Variants in TMEM266 observed in about 807,000 individuals in gnomAD.
TMEM266 encodes the protein Hv1 related protein 1.
TMEM266 carries 33 observed loss-of-function variants against 50.5 expected under a neutral mutation model. The ratio of observed to expected loss-of-function variants is 0.65; its 90% confidence interval spans 0.50 to 0.87. TMEM266 has a LOEUF of 0.87. Ranked by LOEUF, TMEM266 falls within the 40% of genes least tolerant of loss-of-function variation. The pLI, the probability that TMEM266 is intolerant of heterozygous loss-of-function variation, is 0.00. For missense variants in TMEM266, 655 were observed against 695.1 expected (o/e 0.94, Z 0.65); for synonymous variants, 310 against 292.3 (o/e 1.06, Z -0.62).
intron 1 of TMEM266, among the ~76,000 whole-genome samples, chr15:76,124,985 A>C (rs1369985168): frequency 6.6e-6 from 1 of 152,238 alleles, no homozygotes; most frequent in African/African-American, 2.4e-5. Flanking sequence ...TGGTCCTGGC[A>C]TAAAAACAGG....
chr15:76,174,094 C>T (rs1300285751), intron 7 of TMEM266, among the ~76,000 whole-genome samples: 2 of 152,182 alleles, frequency 1.3e-5, no homozygotes, highest in African/African-American at 2.4e-5. Context: ...AAAGCCACCT[C>T]ATGGTCCAAG....
intron 7 of TMEM266, 118 bp from the exon 8 acceptor site, chr15:76,175,441 G>A: frequency 1.4e-6 from 1 of 706,774 alleles, no homozygotes; most frequent in East Asian, 2.7e-5. Context: ...TCCCCTTCTA[G>A]ATCCACAGAA....
intron 8 of TMEM266, among the ~76,000 whole-genome samples, chr15:76,188,809 T>C (rs1230790409): frequency 6.6e-6 from 1 of 152,130 alleles, no homozygotes; most frequent in Non-Finnish European, 1.5e-5. Context: ...ATCACAAATA[T>C]TTATCTGATT....
intron 8 of TMEM266, among the ~76,000 whole-genome samples, chr15:76,176,980 T>C (rs2038293375): frequency 6.6e-6 from 1 of 152,218 alleles, no homozygotes; most frequent in African/African-American, 2.4e-5. Flanking sequence ...CCATGCCACC[T>C]CTTGGGTTTT....
chr15:76,200,631 G>A (rs1234576110), intron 9 of TMEM266, among the ~76,000 whole-genome samples: 4 of 152,162 alleles, frequency 2.6e-5, no homozygotes, highest in Non-Finnish European at 5.9e-5. Context: ...ATAAAACCAA[G>A]ATTGACCAGA....
At chr15:76,176,612 C>G (rs2038286622) in intron 8 of TMEM266, 1 of 152,300 alleles carries the variant, frequency 6.6e-6, no homozygotes, top group Admixed American at 6.5e-5. Flanking sequence ...CTGCGCAAGC[C>G]AGAGACGCTA....
chr15:76,084,597 G>GT (rs1555445501), intron 1 of TMEM266, among the ~76,000 whole-genome samples: 55 of 133,334 alleles, frequency 4.1e-4, no homozygotes, highest in Non-Finnish European at 2.4e-4. Context: ...GGTTTTTTTT[G>GT]GTTTTTTTTT....
rs148712914 is a variant in TMEM266 at position 76,150,454 on chromosome 15, G to A, written c.228-6150G>A. ...CTAGTTTGGCTGCCTTCAGGGAGAT[G>A]GGCTGATGCCGTGACTCTCCACTGC... On this transcript the variant is annotated intron_variant, in intron 3 of 10. Coordinates refer to ENST00000388942, the MANE Select transcript of TMEM266 (RefSeq NM_152335.3). Among the ~76,000 whole-genome samples the A allele has an allele frequency of 5.5e-3, 845 of 152,308 alleles. 6 individuals are homozygous for A. The highest frequency in any genetic ancestry group is 0.037 in the Middle Eastern group (11 of 294).
intron 1 of TMEM266, among the ~76,000 whole-genome samples, chr15:76,064,699 A>G (rs1449812576): frequency 6.6e-6 from 1 of 152,236 alleles, no homozygotes; most frequent in Non-Finnish European, 1.5e-5. Context: ...ACTACTTAGT[A>G]GCTAGGACAG....
intron 1 of TMEM266, among the ~76,000 whole-genome samples, chr15:76,111,779 T>G (rs1481296097): frequency 6.6e-6 from 1 of 152,232 alleles, no homozygotes; most frequent in Non-Finnish European, 1.5e-5. Flanking sequence ...CTCCTTGGTA[T>G]TTACCCAAAT....
chr15:76,194,897 GA>G (rs2038632306), intron 9 of TMEM266, among the ~76,000 whole-genome samples: 1 of 152,132 alleles, frequency 6.6e-6, no homozygotes, highest in Admixed American at 6.5e-5. Context: ...TTCAACATGT[GA>G]ATGAAGAGGG....
In TMEM266 at chr15:76,203,789, T is replaced by C. The variant is rs201833387; in HGVS notation, c.1070T>C (p.Ile357Thr). 1.2e-5 allele frequency: 19 copies of C among 1,614,170 alleles called. No homozygotes were observed. The African/African-American group carries it at 1.5e-4, about 12-fold the overall frequency. ...GTGTGTATGGTCACCACGGCCGCAA[T>C]AGACATTCACCAGCCCAACATCTCC... The change falls in exon 11 of 11, where the codon ATA becomes ACA. Residue 357 changes from isoleucine (I) to threonine (T), a missense_variant. This residue lies in a region of TMEM266 where 455 missense variants were observed against 401.8 expected (regional missense o/e 1.13). Transcript: ENST00000388942.
chr15:76,143,140 G>A (rs899191619), intron 3 of TMEM266, among the ~76,000 whole-genome samples: 1 of 152,044 alleles, frequency 6.6e-6, no homozygotes, highest in Non-Finnish European at 1.5e-5. Flanking sequence ...AGCTCTGATT[G>A]CCTTCCCCTC....
chr15:76,178,671 G>A (rs2038341016), intron 8 of TMEM266: 1 of 152,224 alleles, frequency 6.6e-6, no homozygotes, highest in Non-Finnish European at 1.5e-5. Context: ...CCTGGTTCAA[G>A]TCACCTCCAC....
intron 3 of TMEM266, among the ~76,000 whole-genome samples, chr15:76,143,799 G>A (rs1413264511): frequency 2.0e-5 from 3 of 152,130 alleles, no homozygotes; most frequent in Admixed American, 2.0e-4. Flanking sequence ...TTTACACACT[G>A]GGTAATTTCA....
At chr15:76,095,328 T>C (rs1273509627) in intron 1 of TMEM266, among the ~76,000 whole-genome samples, 7 of 152,096 alleles carry the variant, frequency 4.6e-5, no homozygotes, top group Admixed American at 4.6e-4. Context: ...CATGAAGGGC[T>C]GTTGAATTTT....
intron 1 of TMEM266, among the ~76,000 whole-genome samples, chr15:76,106,927 T>C (rs958099720): frequency 6.6e-6 from 1 of 152,234 alleles, no homozygotes; most frequent in African/African-American, 2.4e-5. Context: ...TCTTTCCTGC[T>C]TCTTCCAAGT....
chr15:76,197,614 A>G (rs2469564), intron 9 of TMEM266, among the ~76,000 whole-genome samples: 20,578 of 152,274 alleles, frequency 0.14, 1,658 homozygotes, highest in African/African-American at 0.22. Context: ...CCTTGTATAC[A>G]GTAGGCGCTC....
chr15:76,166,242 A>T (rs909928529), intron 5 of TMEM266, among the ~76,000 whole-genome samples: 3 of 152,088 alleles, frequency 2.0e-5, no homozygotes, highest in Non-Finnish European at 4.4e-5. Context: ...GCGGGGGGGA[A>T]AAGCCAGCAG....
Sources: gnomAD v4.1 joint callset for allele counts (sites outside exome capture counted in the v4.1 genomes callset) on GRCh38, gnomAD v4.1.1 for gene constraint, gnomAD v4.1.1 regional missense constraint, MANE v1.5 for transcripts, NCBI Gene and HGNC (gene_info 2026-07-23, HGNC 2026-07-21) for gene names.